RAF1: variants seen among roughly 807,000 people sequenced by gnomAD.
RAF1 encodes Raf-1 proto-oncogene, serine/threonine kinase, also known as RAF proto-oncogene serine/threonine-protein kinase.
RAF1 carries 27 observed loss-of-function variants against 81.1 expected under a neutral mutation model. The observed-to-expected ratio is 0.33, with a 90% CI of 0.25 to 0.46. RAF1 has a LOEUF of 0.46. Among genes scored for constraint, RAF1 ranks in the 20% least tolerant of loss-of-function variants. The pLI, the probability that RAF1 is intolerant of heterozygous loss-of-function variation, is 1.00. For synonymous variants in RAF1, 298 were observed against 294.0 expected, an observed-to-expected ratio of 1.01 and a Z score of -0.14; for missense variants, 598 against 826.0, an observed-to-expected ratio of 0.72 and a Z score of 3.38.
At position 12,603,345 on chromosome 3, in the gene RAF1, G is replaced by A. The variant is rs1018510711; in HGVS notation, c.894+133C>T. The stretch of plus-strand genomic sequence containing the variant: ...AATTTTAAAAAGAAAGAAAGAAAAA[G>A]AAAACATGGAAACAAGTGACAAGAA... On this transcript the variant is annotated intron_variant, in intron 8 of 17. Coordinates refer to ENST00000442415, the MANE Select transcript of RAF1 (RefSeq NM_001354689.3). 7 of 540,368 alleles carry A rather than the reference G, an allele frequency of 1.3e-5. No individual in the cohort carries two copies. The African/African-American group carries it at 1.3e-4, about 10-fold the overall frequency. 33.5% of individuals were successfully genotyped at this position (540,368 alleles called of 1,614,324 possible). A position where few individuals can be genotyped will look rare whatever the true frequency, so the allele number is the denominator to read the frequency against.
Position 12,584,033 on chromosome 3 carries a change from G to A in RAF1, c.*481C>T, listed in dbSNP as rs1052982782. ...GCCAGAGTCTCGGCAGTCCTGGGCT[G>A]TTTGGTGCCTTATGTGCAAAATGTC... On this transcript the variant is annotated 3_prime_UTR_variant, in exon 18 of 18. Coordinates refer to ENST00000442415, the MANE Select transcript of RAF1 (RefSeq NM_001354689.3). 1 of 277,528 alleles carries A rather than the reference G, an allele frequency of 3.6e-6. No individual in the cohort carries two copies. Among genetic ancestry groups the A allele is most frequent in the East Asian group, 5.1e-5 (1 of 19,758 alleles). 17.2% of individuals were successfully genotyped at this position (277,528 alleles called of 1,614,324 possible). A position where few individuals can be genotyped will look rare whatever the true frequency, so the allele number is the denominator to read the frequency against.
At chr3:12,640,913 CAT>C (rs1287783571) in intron 1 of RAF1, among the ~76,000 whole-genome samples, 1 of 152,118 alleles carries the variant, frequency 6.6e-6, no homozygotes, top group East Asian at 1.9e-4. Context: ...CACATGCACA[CAT>C]ATGTTTATTG....
At chr3:12,638,606 T>A (rs1049762540) in intron 1 of RAF1, among the ~76,000 whole-genome samples, 14 of 152,352 alleles carry the variant, frequency 9.2e-5, no homozygotes, top group Middle Eastern at 3.4e-3. Flanking sequence ...ATATTACAAA[T>A]AAAACCAAAT....
In RAF1 at chr3:12,584,572, T is replaced by G; in HGVS notation, c.1949A>C (p.His650Pro). 6.2e-7 allele frequency: 1 copy of G among 1,614,160 alleles called. No individual in the cohort carries two copies. Among genetic ancestry groups the G allele is most frequent in the South Asian group, 1.1e-5 (1 of 91,088 alleles). The change falls in exon 18 of 18, where the codon CAC becomes CCC. Residue 650 changes from histidine (H) to proline (P), a missense_variant. By Grantham distance (77) the His-to-Pro change is moderately conservative. Transcript: ENST00000442415. ...CGTGCAAGCATTGATATCCTCAGTGTGGGCTGCCCGATGCAAGGATGGCTC... is the reference window on the plus strand; with the variant it reads ...CGTGCAAGCATTGATATCCTCAGTGGGGGCTGCCCGATGCAAGGATGGCTC...
intron 1 of RAF1, among the ~76,000 whole-genome samples, chr3:12,653,137 C>G (rs994072873): frequency 6.6e-6 from 1 of 151,616 alleles, no homozygotes; most frequent in African/African-American, 2.4e-5. Flanking sequence ...CAAAAATTAG[C>G]TGGGCATAGT....
intron 1 of RAF1, among the ~76,000 whole-genome samples, chr3:12,652,499 C>A (rs777273428): frequency 6.6e-6 from 1 of 151,722 alleles, no homozygotes; most frequent in Non-Finnish European, 1.5e-5. Flanking sequence ...CCAGCCTGGG[C>A]GACAAAGCTA....
At chr3:12,619,831 C>T (rs1165327511) in intron 1 of RAF1, among the ~76,000 whole-genome samples, 1 of 152,018 alleles carries the variant, frequency 6.6e-6, no homozygotes, top group Non-Finnish European at 1.5e-5. Context: ...ACCTGTAATC[C>T]CAGCACTTTG....
At chr3:12,634,616 A>G (rs1306032466) in intron 1 of RAF1, among the ~76,000 whole-genome samples, 1 of 152,160 alleles carries the variant, frequency 6.6e-6, no homozygotes, top group Non-Finnish European at 1.5e-5. Flanking sequence ...AGAATCCACA[A>G]TTATGTGACC....
At chr3:12,641,352 C>G (rs1365285076) in intron 1 of RAF1, among the ~76,000 whole-genome samples, 1 of 150,552 alleles carries the variant, frequency 6.6e-6, no homozygotes, top group Non-Finnish European at 1.5e-5. Context: ...CACATGTACT[C>G]TAGAACTTAA....
chr3:12,583,693 A>G lies in RAF1; in HGVS notation c.*821T>C, dbSNP rs1243014515. 1 of 233,400 alleles carries G rather than the reference A, an allele frequency of 4.3e-6. No homozygotes were observed. The allele number at this position is 233,400 out of a possible 1,614,324, so 14.5% of individuals were successfully genotyped here. ...GTCAGGTGCAATAAAAACAAAATTA[A>G]AACCCAAATCATCAAGAAAACCTGT... On this transcript the variant is annotated 3_prime_UTR_variant, in exon 18 of 18. Coordinates refer to ENST00000442415, the MANE Select transcript of RAF1 (RefSeq NM_001354689.3).
At chr3:12,620,327 G>A (rs1410581567) in intron 1 of RAF1, among the ~76,000 whole-genome samples, 1 of 152,024 alleles carries the variant, frequency 6.6e-6, no homozygotes, top group African/African-American at 2.4e-5. Flanking sequence ...TAGAGATGGG[G>A]TTGGCCATGT....
At position 12,584,810 on chromosome 3, in the gene RAF1, C is replaced by T. The variant is rs756898945; in HGVS notation, c.1863+37G>A. 6 of 1,613,838 alleles carry T rather than the reference C, an allele frequency of 3.7e-6. No homozygotes were observed. In the East Asian group the frequency reaches 6.7e-5, roughly 18 times the overall value. On this transcript the variant is annotated intron_variant, in intron 17 of 17. Coordinates refer to ENST00000442415, the MANE Select transcript of RAF1 (RefSeq NM_001354689.3). ...ATATTGCCATCTTTACGAACCAACC[C>T]ATGCTTTAATCACATTCTAGCAGCC...
chr3:12,606,081 G>C lies in RAF1; in HGVS notation c.680+120C>G, dbSNP rs376666106. On this transcript the variant is annotated intron_variant, in intron 6 of 17. Coordinates refer to ENST00000442415, the MANE Select transcript of RAF1 (RefSeq NM_001354689.3). ...ACCAGTATCAAGTTCCACAGAAGCA[G>C]CAAGGGGTTTCCACGTAGAGAGGAG... is the stretch of plus-strand genomic sequence containing the variant. 4 of 721,874 alleles carry C rather than the reference G, an allele frequency of 5.5e-6. No homozygotes were observed. The African/African-American group carries it at 7.1e-5, about 13-fold the overall frequency. 44.7% of individuals were successfully genotyped at this position (721,874 alleles called of 1,614,324 possible).
intron 11 of RAF1, 159 bp from the exon 11 acceptor site, chr3:12,591,951 TCTCA>T (rs1575547016): frequency 1.5e-6 from 1 of 672,440 alleles, no homozygotes; most frequent in Admixed American, 2.1e-5. Flanking sequence ...TGAGACAGGG[TCTCA>T]CTCTGTTGTC....
At chr3:12,605,521 A>C (rs2058999016) in intron 6 of RAF1, among the ~76,000 whole-genome samples, 1 of 152,166 alleles carries the variant, frequency 6.6e-6, no homozygotes, top group South Asian at 2.1e-4. Context: ...CAAGTGGTCC[A>C]TCTGCCTCGG....
In RAF1 at chr3:12,585,024, C is replaced by CAACAGAT. The variant is rs374832790; in HGVS notation, c.1729-50_1729-44dup. The CAACAGAT allele has an allele frequency of 4.0e-4, 641 of 1,614,000 alleles. 1 individual carries two copies. The African/African-American group carries it at 7.3e-3, about 18-fold the overall frequency. The stretch of plus-strand genomic sequence containing the variant: ...GCTGAGCTAATGGGGGGTGAATGAA[C>CAACAGAT]AACAGATAATAACAAGTCCTAACCC... On this transcript the variant is annotated intron_variant, in intron 16 of 17. Coordinates refer to ENST00000442415, the MANE Select transcript of RAF1 (RefSeq NM_001354689.3).
intron 11 of RAF1, among the ~76,000 whole-genome samples, chr3:12,597,427 G>A (rs967236931): frequency 8.5e-5 from 13 of 152,170 alleles, no homozygotes; most frequent in South Asian, 2.1e-4. Flanking sequence ...AACTTCATCC[G>A]CTGGCTTTTA....
chr3:12,624,803 T>G (rs901979414), intron 1 of RAF1, among the ~76,000 whole-genome samples: 3 of 150,984 alleles, frequency 2.0e-5, no homozygotes, highest in East Asian at 3.9e-4. Context: ...GGAGAATTGC[T>G]TGAACCCAGG....
At chr3:12,585,101 T>C in intron 16 of RAF1, 21 bp downstream of exon 15, 1 of 1,614,070 alleles carries the variant, frequency 6.2e-7, no homozygotes. Context: ...GTTGGGTCCT[T>C]TCGCACCAGC....
Sources: allele counts gnomAD v4.1 joint callset (sites outside exome capture counted in the v4.1 genomes callset), GRCh38; gene constraint gnomAD v4.1.1; transcripts MANE v1.5; gene names NCBI Gene and HGNC (gene_info 2026-07-23, HGNC 2026-07-21).